CR2: variants seen among roughly 807,000 people sequenced by gnomAD.
The protein encoded by CR2 is complement C3d receptor 2.
A neutral mutation model predicts 123.0 loss-of-function variants in CR2; 96 were observed. The observed-to-expected ratio is 0.78, with a 90% confidence interval of 0.66 to 0.93. The LOEUF (loss-of-function observed/expected upper bound fraction) is 0.93, where lower values mean the gene tolerates loss of function less well. Ranked by LOEUF, CR2 falls within the 40% of genes least tolerant of loss-of-function variation. CR2 has a pLI of 0.00. For synonymous variants in CR2, 484 were observed against 469.5 expected, an observed-to-expected ratio of 1.03 and a Z score of -0.40; for missense variants, 1,258 against 1,361.0, an observed-to-expected ratio of 0.92 and a Z score of 1.19.
intron 5 of CR2, 115 bp from the exon 6 acceptor site, chr1:207,469,580 T>C (rs1165029608): frequency 5.2e-6 from 5 of 967,480 alleles, no homozygotes; most frequent in Non-Finnish European, 8.3e-6. Flanking sequence ...CCTTGACTGA[T>C]TCATTATAGA....
At chr1:207,486,193 T>A (rs563005084) in intron 19 of CR2, among the ~76,000 whole-genome samples, 1,347 of 131,800 alleles carry the variant, frequency 0.01, 22 homozygotes, top group African/African-American at 0.037. Flanking sequence ...ACTGCGCCAC[T>A]GTACCCCAGC....
At chr1:207,464,961 C>T (rs940064246) in intron 1 of CR2, among the ~76,000 whole-genome samples, 4 of 152,108 alleles carry the variant, frequency 2.6e-5, no homozygotes, top group South Asian at 4.1e-4. Flanking sequence ...GATGGAGTCT[C>T]GCTCAGTCGC....
intron 1 of CR2, among the ~76,000 whole-genome samples, chr1:207,462,555 A>C (rs777496832): frequency 7.5e-4 from 114 of 152,208 alleles, no homozygotes; most frequent in Non-Finnish European, 2.9e-4. Context: ...TGGCATGACC[A>C]CATTTGTGTT....
intron 19 of CR2, 81 bp from the exon 20 acceptor site, chr1:207,489,061 A>C (rs1021508790): frequency 1.3e-5 from 2 of 152,338 alleles, no homozygotes; most frequent in African/African-American, 4.8e-5. Flanking sequence ...TGGTATGTAA[A>C]GAGAATGTTA....
intron 1 of CR2, among the ~76,000 whole-genome samples, chr1:207,465,648 A>C (rs946763997): frequency 6.6e-6 from 1 of 152,228 alleles, no homozygotes; most frequent in Admixed American, 6.5e-5. Context: ...GTCAGTTTTC[A>C]CTGAAGACCT....
intron 1 of CR2, among the ~76,000 whole-genome samples, chr1:207,462,228 A>G (rs311310): frequency 0.69 from 105,576 of 152,030 alleles, 37,031 homozygotes; most frequent in East Asian, 0.89. Context: ...TGTAAAGGCC[A>G]ACTCTTAAAT....
At chr1:207,463,486 G>A (rs560916418) in intron 1 of CR2, among the ~76,000 whole-genome samples, 2 of 152,138 alleles carry the variant, frequency 1.3e-5, no homozygotes, top group African/African-American at 2.4e-5. Flanking sequence ...CTACTGACCA[G>A]GAGCTTGAAT....
In CR2 at chr1:207,466,666, A is replaced by G; in HGVS notation, c.199A>G (p.Thr67Ala). The G allele has an allele frequency of 6.2e-7, 1 of 1,614,140 alleles. No homozygotes were observed. The highest frequency in any genetic ancestry group is 2.2e-5 in the East Asian group (1 of 44,884). ...TGGAGAAAAAAGTCTATTATGCATA[A>G]CTAAAGACAAAGTGGATGGAACCTG... ...LIGEKSLLCITKDKVDGTWDK... is the reference protein window; with the variant it reads ...LIGEKSLLCIAKDKVDGTWDK... The change falls in exon 2 of 20, where the codon ACT becomes GCT. Residue 67 changes from threonine to alanine, a missense_variant. Thr to Ala is a moderately conservative substitution (Grantham distance 58, BLOSUM62 0). Coordinates refer to ENST00000367057, the MANE Select transcript of CR2 (RefSeq NM_001006658.3).
intron 16 of CR2, among the ~76,000 whole-genome samples, chr1:207,478,303 G>C (rs558963136): frequency 1.3e-5 from 2 of 151,966 alleles, no homozygotes; most frequent in African/African-American, 2.4e-5. Context: ...CAGGAGGATT[G>C]CTTGAGCCTA....
chr1:207,455,121 G>C (rs1271937010), intron 1 of CR2, among the ~76,000 whole-genome samples: 5 of 152,176 alleles, frequency 3.3e-5, no homozygotes, highest in Non-Finnish European at 7.4e-5. Flanking sequence ...GTCCGCAAAG[G>C]TCTCATTCAC....
intron 1 of CR2, among the ~76,000 whole-genome samples, chr1:207,455,405 A>G (rs1657808889): frequency 6.6e-6 from 1 of 152,246 alleles, no homozygotes; most frequent in African/African-American, 2.4e-5. Flanking sequence ...CCCTGAGCAC[A>G]GATGAAACTA....
rs1658204392 is a variant in CR2, at chr1:207,469,640, T to C, written c.818-55T>C. ...GTGGTATCAAGCAGCATCTGGGGCA[T>C]TCTTTGTTTTCAATACACCTATGAT... On this transcript the variant is annotated intron_variant, in intron 5 of 19. Transcript: ENST00000367057. 56 of 1,515,708 alleles carry C rather than the reference T, an allele frequency of 3.7e-5. 1 individual carries two copies. In the South Asian group the frequency reaches 6.0e-4, roughly 16 times the overall value. 93.9% of individuals were successfully genotyped at this position (1,515,708 alleles called of 1,614,324 possible).
chr1:207,470,202 T>G (rs558169487), intron 6 of CR2, 100 bp downstream of exon 6: 58 of 1,321,660 alleles, frequency 4.4e-5, no homozygotes, highest in East Asian at 2.4e-4. Context: ...CAGTTTATAC[T>G]TCCCTCAAAT....
intron 6 of CR2, 90 bp downstream of exon 6, chr1:207,470,192 C>CAGTT (rs1194755708): frequency 2.1e-6 from 3 of 1,435,472 alleles, no homozygotes; most frequent in Non-Finnish European, 2.9e-6. Flanking sequence ...GGGCCTTGTC[C>CAGTT]AGTTTATACT....
rs1331673367 is a variant in CR2, at chr1:207,470,735, T to C, written c.1226-5T>C. 15 of 1,613,774 alleles carry C rather than the reference T, an allele frequency of 9.3e-6. No individual in the cohort carries two copies. Among genetic ancestry groups the C allele is most frequent in the Non-Finnish European group, 1.3e-5 (15 of 1,179,760 alleles). ...GTTATGTTTTGTTTTTGTCCTTTCA[T>C]TTAGAATGCCAGGCCCCTCCTAACA... is the stretch of plus-strand genomic sequence containing the variant. On this transcript the variant is annotated splice_region_variant and splice_polypyrimidine_tract_variant and intron_variant, in intron 6 of 19. Coordinates refer to ENST00000367057, the MANE Select transcript of CR2 (RefSeq NM_001006658.3).
At chr1:207,477,268 G>A (rs571901943) in intron 15 of CR2, among the ~76,000 whole-genome samples, 4 of 152,212 alleles carry the variant, frequency 2.6e-5, no homozygotes, top group Admixed American at 6.5e-5. Flanking sequence ...GCAGGCAAGA[G>A]AGCGTGTGCA....
In CR2 at chr1:207,470,809, G is replaced by C. The variant is rs781255614; in HGVS notation, c.1295G>C (p.Gly432Ala). ...AGACACATGGTCCGCTTTGACCCTG[G>C]AACATCTATAAAATATAGCTGTAAC... Reference protein sequence around the residue: ...EDRHMVRFDPGTSIKYSCNPG... With the variant: ...EDRHMVRFDPATSIKYSCNPG... Residue 432 changes from glycine to alanine, a missense_variant, in exon 7 of 20, where the codon GGA (glycine) becomes GCA (alanine). By Grantham distance (60) the Gly-to-Ala change is moderately conservative. Transcript: ENST00000367057. 17 of 1,613,842 alleles carry C rather than the reference G, an allele frequency of 1.1e-5. 1 individual carries two copies. In the Admixed American group the frequency reaches 2.8e-4, roughly 27 times the overall value.
chr1:207,462,910 C>T (rs1018866903), intron 1 of CR2, among the ~76,000 whole-genome samples: 2 of 152,184 alleles, frequency 1.3e-5, no homozygotes, highest in Non-Finnish European at 2.9e-5. Flanking sequence ...AAGTTGGCAT[C>T]CATGCACAGA....
At position 207,470,917 on chromosome 1, in the gene CR2, G is replaced by A. The variant is rs372838534; in HGVS notation, c.1402+1G>A. On this transcript the variant is annotated splice_donor_variant, in intron 7 of 19. Transcript: ENST00000367057. LOFTEE classifies it high-confidence loss of function. ...ACACCCCCTGTACCCCAATGCAAAG[G>A]TGCCAGGCCTCAAATGTAGACATTT... is the stretch of plus-strand genomic sequence containing the variant. 6.2e-5 allele frequency: 100 copies of A among 1,613,704 alleles called. No individual in the cohort carries two copies. The highest frequency in any genetic ancestry group is 8.2e-5 in the Non-Finnish European group (97 of 1,179,828).
Sources: gnomAD v4.1 joint callset for allele counts (sites outside exome capture counted in the v4.1 genomes callset) on GRCh38, gnomAD v4.1.1 for gene constraint, MANE v1.5 for transcripts, NCBI Gene and HGNC (gene_info 2026-07-23, HGNC 2026-07-21) for gene names.